TBL1Y: variants seen among roughly 807,000 people sequenced by gnomAD.
The protein encoded by TBL1Y is transducin beta like 1 Y-linked.
Under a neutral mutation model 12.0 loss-of-function variants are expected in TBL1Y, and 15 were observed. That is an observed-to-expected ratio of 1.25 (90% CI 0.83 to 1.92). TBL1Y has a LOEUF of 1.92. Ranked by LOEUF, TBL1Y falls within the 40% of genes most tolerant of loss-of-function variation. The pLI is 0.00. For missense variants in TBL1Y, 148 were observed against 116.7 expected (o/e 1.27, Z -1.24); for synonymous variants, 53 against 42.6 (o/e 1.24, Z -0.95).
At chrY:6,928,289 C>T in intron 2 of TBL1Y, among the ~76,000 whole-genome samples, 2 of 34,145 alleles carry the variant, frequency 5.9e-5, no homozygotes, top group African/African-American at 2.3e-4. Context: ...TGCTTATATA[C>T]TGGTGCAGTG....
At chrY:7,085,786 G>A in intron 14 of TBL1Y, 112 bp from the exon 15 acceptor site, 1 of 213,047 alleles carries the variant, frequency 4.7e-6, no homozygotes, top group Non-Finnish European at 8.2e-6. Flanking sequence ...TCAGGCTGAG[G>A]CCTAAGACCT....
intron 2 of TBL1Y, among the ~76,000 whole-genome samples, chrY:6,976,774 G>T (rs749494560): frequency 3.0e-5 from 1 of 33,626 alleles, no homozygotes; most frequent in East Asian, 7.9e-4. Context: ...CTCTGTACAG[G>T]TGAGAACAGG....
chrY:6,990,837 G>A (rs112383353), intron 3 of TBL1Y, among the ~76,000 whole-genome samples: 25 of 32,657 alleles, frequency 7.7e-4, no homozygotes, highest in African/African-American at 2.9e-3. Context: ...GATTACAGGC[G>A]TGAGACACCG....
intron 4 of TBL1Y, among the ~76,000 whole-genome samples, chrY:7,014,285 C>T: frequency 3.1e-5 from 1 of 32,276 alleles, no homozygotes; most frequent in Non-Finnish European, 7.5e-5. Flanking sequence ...ACTTTTCTTC[C>T]TCTCTCTTTC....
chrY:7,088,505 G>C, intron 17 of TBL1Y, among the ~76,000 whole-genome samples: 1 of 32,327 alleles, frequency 3.1e-5, no homozygotes, highest in Non-Finnish European at 7.5e-5. Flanking sequence ...TGGACCCTGC[G>C]TAGAGCCAAC....
At chrY:6,918,130 T>C in intron 2 of TBL1Y, among the ~76,000 whole-genome samples, 1 of 33,345 alleles carries the variant, frequency 3.0e-5, no homozygotes, top group African/African-American at 1.2e-4. Context: ...CTGGTCCCCA[T>C]GTCCAAGTGA....
At chrY:7,060,214 A>G (rs2012851761) in intron 7 of TBL1Y, among the ~76,000 whole-genome samples, 1 of 33,637 alleles carries the variant, frequency 3.0e-5, no homozygotes, top group Non-Finnish European at 7.4e-5. Flanking sequence ...TAATCCTTTT[A>G]CCAAAGGTAT....
intron 16 of TBL1Y, among the ~76,000 whole-genome samples, chrY:7,086,798 G>A (rs2013140370): frequency 3.4e-5 from 1 of 29,831 alleles, no homozygotes; most frequent in African/African-American, 1.3e-4. Flanking sequence ...CCCAGGAGAC[G>A]GAGGCTGCAG....
At chrY:6,962,101 A>G (rs2012131455) in intron 2 of TBL1Y, among the ~76,000 whole-genome samples, 1 of 34,101 alleles carries the variant, frequency 2.9e-5, no homozygotes, top group Non-Finnish European at 7.3e-5. Context: ...ATTTGCCATA[A>G]TGCATTAGGA....
chrY:7,007,119 C>A (rs2012492679), intron 4 of TBL1Y, among the ~76,000 whole-genome samples: 1 of 33,875 alleles, frequency 3.0e-5, no homozygotes, highest in Non-Finnish European at 7.3e-5. Context: ...AGAGCTCAGT[C>A]TAATCTGAAT....
At chrY:6,946,549 C>T in intron 2 of TBL1Y, among the ~76,000 whole-genome samples, 1 of 33,090 alleles carries the variant, frequency 3.0e-5, no homozygotes, top group Non-Finnish European at 7.4e-5. Context: ...GCCTCCAACT[C>T]CTGGGTTCAA....
At chrY:6,937,377 C>T in intron 2 of TBL1Y, among the ~76,000 whole-genome samples, 1 of 33,380 alleles carries the variant, frequency 3.0e-5, no homozygotes, top group African/African-American at 1.2e-4. Context: ...TTGACACCAG[C>T]CTGGCAAACA....
chrY:7,002,944 T>C, intron 4 of TBL1Y, among the ~76,000 whole-genome samples: 1 of 33,910 alleles, frequency 2.9e-5, no homozygotes, highest in Non-Finnish European at 7.3e-5. Context: ...TATTCTCCTT[T>C]AACTTTAACT....
chrY:6,986,701 G>A (rs2012320511), intron 3 of TBL1Y, among the ~76,000 whole-genome samples: 1 of 30,295 alleles, frequency 3.3e-5, no homozygotes, highest in East Asian at 8.6e-4. Context: ...TTGACATCTC[G>A]GTGGGTTTTT....
intron 2 of TBL1Y, among the ~76,000 whole-genome samples, chrY:6,912,858 C>CT (rs2011708230): frequency 3.8e-5 from 1 of 26,201 alleles, no homozygotes; most frequent in African/African-American, 1.5e-4. Context: ...AAAAAAAACA[C>CT]TGTGTGCAAA....
chrY:6,916,640 G>C, intron 2 of TBL1Y, among the ~76,000 whole-genome samples: 1 of 32,051 alleles, frequency 3.1e-5, no homozygotes, highest in Non-Finnish European at 7.5e-5. Flanking sequence ...TCAGTCACTT[G>C]AACTGCGGAG....
intron 2 of TBL1Y, among the ~76,000 whole-genome samples, chrY:6,935,225 CACTCTG>C (rs2011895529): frequency 3.1e-5 from 1 of 32,592 alleles, no homozygotes; most frequent in African/African-American, 1.2e-4. Flanking sequence ...ATATTTCTGT[CACTCTG>C]CAAAGTTTAC....
intron 2 of TBL1Y, among the ~76,000 whole-genome samples, chrY:6,931,162 G>A (rs2011864084): frequency 1.2e-4 from 4 of 33,706 alleles, no homozygotes; most frequent in Non-Finnish European, 2.9e-4. Context: ...GGAGGTCAAG[G>A]TGGGCGGATC....
At chrY:7,058,458 G>A in intron 7 of TBL1Y, among the ~76,000 whole-genome samples, 1 of 32,979 alleles carries the variant, frequency 3.0e-5, no homozygotes, top group Non-Finnish European at 7.4e-5. Flanking sequence ...TTGGCATGAC[G>A]TGTTACCCCA....
Sources: gnomAD v4.1 joint callset for allele counts (sites outside exome capture counted in the v4.1 genomes callset) on GRCh38, gnomAD v4.1.1 for gene constraint, MANE v1.5 for transcripts, NCBI Gene and HGNC (gene_info 2026-07-23, HGNC 2026-07-21) for gene names.